Variants in SYAP1 observed in about 807,000 individuals in gnomAD.
The protein encoded by SYAP1 is synapse-associated protein 1.
Under a neutral mutation model 29.6 loss-of-function variants are expected in SYAP1, and 3 were observed. The ratio of observed to expected loss-of-function variants is 0.10; its 90% CI spans 0.05 to 0.26. SYAP1 has a LOEUF of 0.26. Ranked by LOEUF, SYAP1 falls within the 10% of genes least tolerant of loss-of-function variation. The probability of loss-of-function intolerance (pLI) is 1.00; values close to 1 mark genes in which losing one functional copy is unlikely to be tolerated. For synonymous variants in SYAP1, 102 were observed against 102.7 expected (o/e 0.99, Z 0.04); for missense variants, 217 against 264.1 (o/e 0.82, Z 1.24).
chrX:16,737,797 C>T (rs944770639), intron 3 of SYAP1, among the ~76,000 whole-genome samples: 18 of 112,119 alleles, frequency 1.6e-4, no homozygotes, highest in African/African-American at 5.5e-4. Flanking sequence ...TAATGGCTTC[C>T]GCACTGGACA....
intron 1 of SYAP1, among the ~76,000 whole-genome samples, chrX:16,724,369 G>C (rs779439133): frequency 9.0e-6 from 1 of 111,719 alleles, no homozygotes; most frequent in South Asian, 3.7e-4. Context: ...ACCCCACAAG[G>C]AAAGCGGGAG....
intron 5 of SYAP1, among the ~76,000 whole-genome samples, chrX:16,751,179 A>G (rs753143399): frequency 1.0e-3 from 115 of 109,686 alleles, no homozygotes; most frequent in African/African-American, 3.7e-3. Context: ...TAGACTGGGC[A>G]TGGTGGCTCA....
At position 16,757,226 on chromosome X, in the gene SYAP1, G is replaced by A. The variant is rs993925613; in HGVS notation, c.848G>A (p.Cys283Tyr). The A allele has an allele frequency of 1.1e-5, 13 of 1,210,807 alleles. No individual in the cohort carries two copies. The highest frequency in any genetic ancestry group is 1.3e-5 in the Non-Finnish European group (12 of 894,819). Residue 283 changes from cysteine (C) to tyrosine (Y), a missense_variant, in exon 8 of 9, where the codon TGT becomes TAT. Transcript: ENST00000380155. ...SEFVSDAFDA[C>Y]NLNQEDLRKE... ...TTTGTCAGTGATGCCTTCGATGCCT[G>A]TAACCTAAATCAGGAAGATCTAAGG...
chrX:16,743,790 C>G lies in SYAP1; in HGVS notation c.525C>G (p.Leu175=). 2 of 1,210,847 alleles carry G rather than the reference C, an allele frequency of 1.7e-6. No individual in the cohort carries two copies. The highest frequency in any genetic ancestry group is 2.2e-6 in the Non-Finnish European group (2 of 895,103). Residue 175 remains leucine, a synonymous_variant, in exon 5 of 9, where the codon CTC becomes CTG. Transcript: ENST00000380155. ...TGTACCCCGTGGCCCTGGTCATGCT[C>G]CAGGAGGATGAGCTGCTAAGCAAGA... The part of the protein sequence containing the change: ...DQMYPVALVM[L]QEDELLSKMR...
chrX:16,722,833 C>T (rs781081460), intron 1 of SYAP1, among the ~76,000 whole-genome samples: 32 of 112,269 alleles, frequency 2.9e-4, no homozygotes, highest in Non-Finnish European at 2.8e-4. Flanking sequence ...TCCCTACCTC[C>T]CTCAAGGCCC....
intron 1 of SYAP1, among the ~76,000 whole-genome samples, chrX:16,730,903 A>G (rs1433237402): frequency 2.7e-5 from 3 of 112,645 alleles, no homozygotes; most frequent in South Asian, 3.6e-4. Flanking sequence ...ATCTAATGCT[A>G]CAAAATAAAT....
At chrX:16,756,595 A>T in intron 6 of SYAP1, 68 bp from the exon 7 acceptor site, 1 of 910,518 alleles carries the variant, frequency 1.1e-6, no homozygotes. Flanking sequence ...TGGATATTTT[A>T]CTGTGATTAT....
At chrX:16,746,705 A>G (rs1926616316) in intron 5 of SYAP1, among the ~76,000 whole-genome samples, 1 of 110,920 alleles carries the variant, frequency 9.0e-6, no homozygotes, top group Admixed American at 9.7e-5. Flanking sequence ...CTCCTGTCTC[A>G]GCCTCCCGAG....
At chrX:16,747,102 C>T (rs1926626484) in intron 5 of SYAP1, among the ~76,000 whole-genome samples, 1 of 111,117 alleles carries the variant, frequency 9.0e-6, no homozygotes, top group South Asian at 3.8e-4. Flanking sequence ...TGTGCTGCTA[C>T]GCCTGCCTAA....
chrX:16,746,478 C>A (rs1341938944), intron 5 of SYAP1, among the ~76,000 whole-genome samples: 1 of 110,899 alleles, frequency 9.0e-6, no homozygotes, highest in Non-Finnish European at 1.9e-5. Context: ...CTCAGGTGAT[C>A]CACCTGCCTC....
At chrX:16,719,992 A>C in intron 1 of SYAP1, 93 bp downstream of exon 1, 1 of 894,444 alleles carries the variant, frequency 1.1e-6, no homozygotes, top group Admixed American at 3.9e-5. Context: ...CTGGGGGATG[A>C]GGGGGCCGAG....
intron 8 of SYAP1, among the ~76,000 whole-genome samples, chrX:16,757,564 C>CA (rs894544600): frequency 9.3e-6 from 1 of 107,956 alleles, no homozygotes; most frequent in African/African-American, 3.4e-5. Flanking sequence ...ACTAAAAATA[C>CA]AAAAAAAAAT....
At chrX:16,739,609 T>G (rs1159423637) in intron 3 of SYAP1, among the ~76,000 whole-genome samples, 15 of 109,546 alleles carry the variant, frequency 1.4e-4, no homozygotes, top group African/African-American at 4.3e-4. Context: ...CCCGAGTAGC[T>G]GGGACCAAAT....
intron 1 of SYAP1, among the ~76,000 whole-genome samples, chrX:16,724,345 T>A (rs1926037164): frequency 1.8e-5 from 2 of 111,477 alleles, no homozygotes; most frequent in Non-Finnish European, 1.9e-5. Flanking sequence ...GCCTACCACA[T>A]ATCCAAATTC....
chrX:16,754,741 T>G, intron 5 of SYAP1, among the ~76,000 whole-genome samples: 1 of 109,788 alleles, frequency 9.1e-6, no homozygotes, highest in Non-Finnish European at 1.9e-5. Context: ...AAAAAAAAAT[T>G]GTTAAAGCCA....
intron 2 of SYAP1, 104 bp downstream of exon 2, chrX:16,735,449 T>C: frequency 1.9e-6 from 1 of 524,162 alleles, no homozygotes; most frequent in Non-Finnish European, 3.1e-6. Context: ...TAGAATATCA[T>C]ATTCTGATAA....
intron 4 of SYAP1, 102 bp from the exon 5 acceptor site, chrX:16,743,599 A>G: frequency 1.2e-6 from 1 of 812,361 alleles, no homozygotes; most frequent in South Asian, 2.4e-5. Flanking sequence ...GCACCACTGC[A>G]CTCTAGCCTG....
rs755892553 is a variant in SYAP1 at position 16,757,311 on chromosome X, TA to T, written c.931+8del. 1 of 1,195,765 alleles carries T rather than the reference TA, an allele frequency of 8.4e-7. No homozygotes were observed. Among genetic ancestry groups the T allele is most frequent in the South Asian group, 1.8e-5 (1 of 54,232 alleles). The stretch of plus-strand genomic sequence containing the variant: ...AAGAGGAGACAGCCGTACTGGAAGG[TA>T]AAAAACAAAACAAATCAAAGCAAAG... On this transcript the variant is annotated splice_donor_region_variant and intron_variant, in intron 8 of 8. Transcript: ENST00000380155.
chrX:16,747,003 G>A (rs901952747), intron 5 of SYAP1, among the ~76,000 whole-genome samples: 3 of 111,884 alleles, frequency 2.7e-5, no homozygotes, highest in Non-Finnish European at 5.6e-5. Context: ...AGGATCTCTG[G>A]AATGCAGTGG....
Sources: allele counts gnomAD v4.1 joint callset (sites outside exome capture counted in the v4.1 genomes callset), GRCh38; gene constraint gnomAD v4.1.1; transcripts MANE v1.5; gene names NCBI Gene and HGNC (gene_info 2026-07-23, HGNC 2026-07-21).